Variants in OCA2 observed in about 807,000 individuals in gnomAD.
OCA2 encodes P protein.
In OCA2, 77 loss-of-function variants were observed where a neutral mutation model predicts 100.2. That is an observed-to-expected ratio of 0.77 (90% confidence interval 0.64 to 0.93). OCA2 has a LOEUF of 0.93. Among genes scored for constraint, OCA2 ranks in the 40% least tolerant of loss-of-function variants. The pLI is 0.00. For missense variants in OCA2, 1,062 were observed against 1,089.1 expected (o/e 0.98, Z 0.35); for synonymous variants, 432 against 439.2 (o/e 0.98, Z 0.21).
intron 15 of OCA2, among the ~76,000 whole-genome samples, chr15:27,961,602 T>C (rs927243889): frequency 3.3e-5 from 5 of 152,164 alleles, no homozygotes; most frequent in African/African-American, 1.2e-4. Context: ...ATATACACCA[T>C]GGAATACTAT....
intron 19 of OCA2, among the ~76,000 whole-genome samples, chr15:27,892,510 A>C (rs1166692538): frequency 6.8e-6 from 1 of 148,084 alleles, no homozygotes; most frequent in Admixed American, 6.8e-5. Flanking sequence ...TATAGAACTG[A>C]ATTTTAATGA....
chr15:28,058,508 C>CCACTGTGCCCAGCT (rs142037890), intron 2 of OCA2, among the ~76,000 whole-genome samples: 8 of 152,064 alleles, frequency 5.3e-5, no homozygotes, highest in African/African-American at 1.9e-4. Flanking sequence ...CCACCACCCA[C>CCACTGTGCCCAGCT]CCTGCCACCC....
intron 23 of OCA2, among the ~76,000 whole-genome samples, chr15:27,756,894 GT>G (rs879321389): frequency 4.6e-5 from 7 of 152,228 alleles, no homozygotes; most frequent in Non-Finnish European, 1.0e-4. Flanking sequence ...GTGCTCCCAA[GT>G]GAGAGCCACT....
downstream of OCA2, among the ~76,000 whole-genome samples, chr15:27,752,940 A>G (rs904118714): frequency 2.0e-5 from 3 of 151,794 alleles, no homozygotes; most frequent in Admixed American, 6.6e-5. Context: ...CTGCTGCGCT[A>G]GGGAAATGGA....
intron 4 of OCA2, among the ~76,000 whole-genome samples, chr15:28,026,907 TTAGTG>T: frequency 6.6e-6 from 1 of 152,328 alleles, no homozygotes; most frequent in South Asian, 2.1e-4. Context: ...ACATATTATC[TTAGTG>T]TAGGCCCGTG....
At chr15:27,751,530 A>G (rs959129319), downstream of OCA2, among the ~76,000 whole-genome samples, 27 of 152,236 alleles carry the variant, frequency 1.8e-4, no homozygotes, top group African/African-American at 6.5e-4. Context: ...CGAAGGCAGC[A>G]TATAACATAT....
At chr15:27,832,224 C>A (rs913249282) in intron 23 of OCA2, among the ~76,000 whole-genome samples, 4 of 152,212 alleles carry the variant, frequency 2.6e-5, no homozygotes, top group Non-Finnish European at 4.4e-5. Flanking sequence ...AACCCTACCC[C>A]ACTGGCCCCC....
intron 19 of OCA2, among the ~76,000 whole-genome samples, chr15:27,910,847 T>C (rs2038366707): frequency 6.6e-6 from 1 of 151,722 alleles, no homozygotes; most frequent in Non-Finnish European, 1.5e-5. Context: ...TCCCAGCTAC[T>C]CAGGAGGCTG....
intron 23 of OCA2, among the ~76,000 whole-genome samples, chr15:27,769,995 G>A (rs1054648868): frequency 1.3e-5 from 2 of 152,148 alleles, no homozygotes; most frequent in African/African-American, 4.8e-5. Context: ...GGGTCTCCCA[G>A]GGTAATAGTC....
intron 23 of OCA2, among the ~76,000 whole-genome samples, chr15:27,827,113 A>G (rs867731561): frequency 2.6e-5 from 4 of 152,224 alleles, no homozygotes. Context: ...AGATCCCACG[A>G]TGTTTTCATC....
intron 1 of OCA2, among the ~76,000 whole-genome samples, chr15:28,089,961 A>C (rs2044844915): frequency 6.6e-6 from 1 of 152,234 alleles, no homozygotes; most frequent in African/African-American, 2.4e-5. Context: ...GAAAAATAAA[A>C]TTAAATAACA....
chr15:27,871,969 T>C (rs749873036), intron 19 of OCA2, 47 bp from the exon 20 acceptor site: 7 of 1,365,262 alleles, frequency 5.1e-6, no homozygotes, highest in Middle Eastern at 2.3e-4. Context: ...ACCGAAAATA[T>C]ATGCAAGATT....
At chr15:27,984,937 G>T in intron 13 of OCA2, 127 bp downstream of exon 13, 1 of 1,069,486 alleles carries the variant, frequency 9.4e-7, no homozygotes, top group Non-Finnish European at 1.4e-6. Context: ...AATGCAGTGA[G>T]CTGTGGGCTC....
chr15:28,055,042 G>A (rs1010631336), intron 2 of OCA2, among the ~76,000 whole-genome samples: 1 of 152,196 alleles, frequency 6.6e-6, no homozygotes, highest in African/African-American at 2.4e-5. Context: ...GACATGTGGG[G>A]ATTATTACAA....
intron 9 of OCA2, among the ~76,000 whole-genome samples, chr15:28,003,753 G>A (rs1472988530): frequency 6.6e-6 from 1 of 152,130 alleles, no homozygotes. Flanking sequence ...GACCGCCCTC[G>A]ACGTCCACGA....
intron 19 of OCA2, among the ~76,000 whole-genome samples, chr15:27,913,895 G>GAA (rs1567098505): frequency 0.014 from 556 of 38,978 alleles, 34 homozygotes; most frequent in Middle Eastern, 0.032. Context: ...AAGAAAGAAA[G>GAA]CAAGCAAGCA....
chr15:27,888,654 TTC>T (rs1234054311), intron 19 of OCA2, among the ~76,000 whole-genome samples: 2 of 152,116 alleles, frequency 1.3e-5, no homozygotes, highest in Non-Finnish European at 2.9e-5. Flanking sequence ...ATAACAGAAT[TTC>T]TTTTTTTTAA....
At chr15:27,890,152 G>T (rs1314847956) in intron 19 of OCA2, among the ~76,000 whole-genome samples, 1 of 152,194 alleles carries the variant, frequency 6.6e-6, no homozygotes, top group Non-Finnish European at 1.5e-5. Flanking sequence ...AAACAGCAAG[G>T]AGAAAATATA....
intron 19 of OCA2, among the ~76,000 whole-genome samples, chr15:27,913,837 AG>A (rs147154315): frequency 0.32 from 23,935 of 74,508 alleles, 4,386 homozygotes; most frequent in East Asian, 0.79. Context: ...AAAGAAAGAA[AG>A]GAAAGAAAGA....
Sources: gnomAD v4.1 joint callset for allele counts (sites outside exome capture counted in the v4.1 genomes callset) on GRCh38, gnomAD v4.1.1 for gene constraint, MANE v1.5 for transcripts, NCBI Gene and HGNC (gene_info 2026-07-23, HGNC 2026-07-21) for gene names.